IL17REL: variants seen among roughly 807,000 people sequenced by gnomAD.
IL17REL encodes interleukin 17 receptor E like, also known as interleukin-17 receptor E-like protein.
A neutral mutation model predicts 49.0 loss-of-function variants in IL17REL; 36 were observed. That is an observed-to-expected ratio of 0.73 (90% CI 0.56 to 0.97). The LOEUF (loss-of-function observed/expected upper bound fraction) is 0.97. Among genes scored for constraint, IL17REL ranks in the 50% least tolerant of loss-of-function variants. IL17REL has a pLI of 0.00. For missense variants in IL17REL, 470 were observed against 453.9 expected (o/e 1.04, Z -0.32); for synonymous variants, 206 against 192.4 (o/e 1.07, Z -0.58).
Position 49,999,899 on chromosome 22 carries a change from C to T in IL17REL, c.403G>A (p.Gly135Arg), listed in dbSNP as rs771849474. ...AGCCGCAGGTAGTAGTCGGGGCTCC[C>T]GGAGGCCCTGGGCACTTGCACCAGA... The change falls in exon 5 of 13, where the codon GGG (glycine) becomes AGG (arginine). Residue 135 changes from glycine to arginine, a missense_variant. Gly to Arg is a moderately radical substitution (Grantham distance 125, BLOSUM62 -2). Coordinates refer to ENST00000341280, the Ensembl canonical transcript of IL17REL. 6 of 1,541,782 alleles carry T rather than the reference C, an allele frequency of 3.9e-6. No individual in the cohort carries two copies. In the African/African-American group the frequency reaches 5.5e-5, roughly 14 times the overall value.
upstream of IL17REL, among the ~76,000 whole-genome samples, chr22:50,010,842 C>G (rs912379753): frequency 6.6e-5 from 10 of 151,552 alleles, no homozygotes; most frequent in African/African-American, 2.2e-4. Context: ...AGCCCGGGCG[C>G]TGGGCGCCTC....
intron 10 of IL17REL, chr22:49,997,473 C>T: frequency 6.5e-7 from 1 of 1,540,064 alleles, no homozygotes; most frequent in Non-Finnish European, 8.9e-7. Context: ...GCTGGATGGT[C>T]ATTTTCCAGG....
exon 3 of IL17REL, chr22:50,000,780 A>T: frequency 6.3e-7 from 1 of 1,597,802 alleles, no homozygotes; most frequent in Non-Finnish European, 8.5e-7. Flanking sequence ...TGCCGGTGGG[A>T]GGCCCTGGCC....
intron 1 of IL17REL, among the ~76,000 whole-genome samples, chr22:50,005,821 T>TAAAA (rs1008067049): frequency 1.2e-5 from 1 of 80,832 alleles, no homozygotes; most frequent in African/African-American, 5.2e-5. Context: ...CCCCAGAAAA[T>TAAAA]AAAAAAATAA....
intron 1 of IL17REL, among the ~76,000 whole-genome samples, chr22:50,002,869 G>C (rs5771082): frequency 0.2 from 30,060 of 152,198 alleles, 3,101 homozygotes; most frequent in South Asian, 0.38. Context: ...TCCTGCCTGA[G>C]ACAGCTGGGA....
intron 5 of IL17REL, 46 bp from the exon 8 acceptor site, chr22:49,999,548 G>C (rs775373696): frequency 6.3e-5 from 91 of 1,451,714 alleles, no homozygotes; most frequent in Non-Finnish European, 7.9e-5. Context: ...GGAGGGCGGG[G>C]GTGGTCTGGG....
At chr22:50,010,664 C>G (rs1344937247), upstream of IL17REL, among the ~76,000 whole-genome samples, 2 of 152,194 alleles carry the variant, frequency 1.3e-5, no homozygotes, top group South Asian at 4.1e-4. Context: ...GACTCTGAAG[C>G]CCACCCAGGG....
chr22:50,001,150 G>A (rs1463168062), exon 2 of IL17REL: 2 of 1,606,836 alleles, frequency 1.2e-6, no homozygotes, highest in Admixed American at 1.7e-5. Flanking sequence ...ACACTGCATG[G>A]CAGTGGAGGA....
intron 7 of IL17REL, 100 bp downstream of exon 9, chr22:49,999,191 C>T (rs2061058135): frequency 7.0e-6 from 10 of 1,419,208 alleles, no homozygotes; most frequent in East Asian, 4.5e-5. Context: ...TAGGCTGGGC[C>T]TGCTCCTTAT....
upstream of IL17REL, among the ~76,000 whole-genome samples, chr22:50,009,683 A>G (rs1205190033): frequency 6.6e-6 from 1 of 152,134 alleles, no homozygotes; most frequent in Non-Finnish European, 1.5e-5. Context: ...GGAGACCTGG[A>G]CTTCTGCTCC....
upstream of IL17REL, among the ~76,000 whole-genome samples, chr22:50,010,178 C>T (rs2049825282): frequency 6.6e-6 from 1 of 152,258 alleles, no homozygotes; most frequent in Admixed American, 6.5e-5. Flanking sequence ...CCACGAAACC[C>T]GCCGCCCGTG....
At position 49,997,323 on chromosome 22, in the gene IL17REL, G is replaced by A. The variant is rs145996075; in HGVS notation, c.971C>T (p.Pro324Leu). ...GAGCCCCACTCTCTCGGCTCACTGAGGCTGAAGGGAGCGGGCTGGCCTGGA... is the reference window on the plus strand; with the variant it reads ...GAGCCCCACTCTCTCGGCTCACTGAAGCTGAAGGGAGCGGGCTGGCCTGGA... Residue 324 changes from proline to leucine, a missense_variant, in exon 11 of 13, where the codon CCT becomes CTT. Pro to Leu is a moderately conservative substitution (Grantham distance 98, BLOSUM62 -3). Transcript: ENST00000341280. 441 of 1,613,350 alleles carry A rather than the reference G, an allele frequency of 2.7e-4. 1 individual carries two copies. The Middle Eastern group carries it at 3.2e-3, about 12-fold the overall frequency.
downstream of IL17REL, among the ~76,000 whole-genome samples, chr22:49,992,443 A>G (rs1359101013): frequency 2.0e-5 from 3 of 152,108 alleles, no homozygotes; most frequent in Non-Finnish European, 4.4e-5. Flanking sequence ...TTTTATATCT[A>G]TTGAAATAGG....
At chr22:49,997,403 G>A in exon 11 of IL17REL, 1 of 1,613,714 alleles carries the variant, frequency 6.2e-7, no homozygotes. Context: ...AGGTGCACCT[G>A]GAAGTGGGCG....
At chr22:49,993,015 A>G (rs755616399), downstream of IL17REL, among the ~76,000 whole-genome samples, 48 of 152,142 alleles carry the variant, frequency 3.2e-4, no homozygotes, top group Non-Finnish European at 4.6e-4. This position sits in a 1 kb window ranked among gnomAD's most constrained non-coding sequence, Gnocchi z 6.0. Context: ...TCGCTTACTT[A>G]TGTCACTTGG....
exon 13 of IL17REL, chr22:49,994,951 T>G (rs2061026148): frequency 6.6e-6 from 1 of 152,372 alleles, no homozygotes; most frequent in South Asian, 2.1e-4. Flanking sequence ...CCCAGGCAGG[T>G]GGCCTCTGAG....
rs1246693119 is a variant in IL17REL, at chr22:50,006,583, C to G, written c.-42+2054G>C. 1.3e-5 allele frequency among the ~76,000 whole-genome samples: 2 copies of G among 152,096 alleles called. 1 individual carries two copies. The highest frequency in any genetic ancestry group is 1.3e-4 in the Admixed American group (2 of 15,224). ...AGCAGGAAAGGCTGTGATGAGGGAC[C>G]AGGCACACTTGAGAGAAATGGAATT... On this transcript the variant is annotated intron_variant, in intron 1 of 12. Transcript: ENST00000341280.
intron 1 of IL17REL, among the ~76,000 whole-genome samples, chr22:50,004,121 CAGGCTGA>C (rs1165382061): frequency 3.9e-5 from 6 of 152,050 alleles, no homozygotes; most frequent in Non-Finnish European, 8.8e-5. Context: ...CTCTGTTGCC[CAGGCTGA>C]AGTGCAGTGG....
upstream of IL17REL, chr22:50,012,576 C>T (rs1263811514): frequency 1.3e-5 from 2 of 152,294 alleles, no homozygotes; most frequent in Non-Finnish European, 1.5e-5. Flanking sequence ...TTCTGTAATC[C>T]GGGGGATGGC....
Sources: gnomAD v4.1 joint callset for allele counts (sites outside exome capture counted in the v4.1 genomes callset) on GRCh38, gnomAD v4.1.1 for gene constraint, Gnocchi (gnomAD v3.1) non-coding constraint, MANE v1.5 for transcripts, NCBI Gene and HGNC (gene_info 2026-07-23, HGNC 2026-07-21) for gene names.